SGCZ: variants seen among roughly 807,000 people sequenced by gnomAD.
SGCZ encodes the protein sarcoglycan zeta.
Under a neutral mutation model 41.3 loss-of-function variants are expected in SGCZ, and 40 were observed. The observed-to-expected ratio is 0.97, with a 90% CI of 0.75 to 1.26. The LOEUF is 1.26. SGCZ is among the 50% of genes most tolerant of loss of function. The pLI, the probability that SGCZ is intolerant of heterozygous loss-of-function variation, is 0.00. For missense variants in SGCZ, 552 were observed against 369.8 expected, an observed-to-expected ratio of 1.49 and a Z score of -4.04; for synonymous variants, 206 against 137.5, an observed-to-expected ratio of 1.50 and a Z score of -3.49.
intron 2 of SGCZ, among the ~76,000 whole-genome samples, chr8:14,403,777 T>C (rs944223621): frequency 6.6e-6 from 1 of 152,182 alleles, no homozygotes; most frequent in Non-Finnish European, 1.5e-5. Context: ...AGAAAAAATA[T>C]ACATGCAATA....
chr8:14,125,030 A>G (rs1802808315), intron 5 of SGCZ, among the ~76,000 whole-genome samples: 1 of 152,166 alleles, frequency 6.6e-6, no homozygotes. Context: ...TTATGAATGA[A>G]CTCCCATTCA....
intron 4 of SGCZ, among the ~76,000 whole-genome samples, chr8:14,168,799 G>A (rs1321367785): frequency 6.6e-6 from 1 of 152,082 alleles, no homozygotes; most frequent in African/African-American, 2.4e-5. Context: ...TGAGATCCCT[G>A]GAAAAGGAAT....
chr8:14,350,634 A>G (rs557561255), intron 2 of SGCZ, among the ~76,000 whole-genome samples: 1 of 152,022 alleles, frequency 6.6e-6, no homozygotes, highest in Non-Finnish European at 1.5e-5. Flanking sequence ...CTGAAGGTCA[A>G]TTACTGCTCC....
intron 1 of SGCZ, among the ~76,000 whole-genome samples, chr8:14,854,021 T>TTATATATATATATATATA (rs10604213): frequency 1.9e-5 from 2 of 107,676 alleles, no homozygotes; most frequent in East Asian, 3.0e-4. Context: ...TGTGATTATA[T>TTATATATATATATATATA]TATATATATA....
chr8:15,082,688 A>G (rs1187579357), intron 1 of SGCZ, among the ~76,000 whole-genome samples: 1 of 152,124 alleles, frequency 6.6e-6, no homozygotes, highest in East Asian at 1.9e-4. Context: ...TGCAATTTAC[A>G]TCTATTATCC....
intron 2 of SGCZ, among the ~76,000 whole-genome samples, chr8:14,356,186 A>T (rs900890397): frequency 3.3e-5 from 5 of 152,198 alleles, no homozygotes; most frequent in African/African-American, 1.2e-4. Flanking sequence ...TGTTTAAAGC[A>T]GGCTAAGCTA....
At chr8:15,018,782 G>A (rs1015133049) in intron 1 of SGCZ, among the ~76,000 whole-genome samples, 3 of 152,182 alleles carry the variant, frequency 2.0e-5, no homozygotes, top group Non-Finnish European at 2.9e-5. Context: ...TACCTGAAAT[G>A]CTTTAATCTA....
chr8:14,099,075 G>T (rs1396350154), intron 7 of SGCZ, among the ~76,000 whole-genome samples: 2 of 152,114 alleles, frequency 1.3e-5, no homozygotes, highest in Non-Finnish European at 2.9e-5. Flanking sequence ...AGTACTTAGA[G>T]AAAATGATAT....
In SGCZ at chr8:14,722,081, A is replaced by T. The variant is rs569160731; in HGVS notation, c.40-167155T>A. On this transcript the variant is annotated intron_variant, in intron 1 of 7. Coordinates refer to ENST00000382080, the MANE Select transcript of SGCZ (RefSeq NM_139167.4). ...CTGGTCAAACTATCTCAAAATCTCA[A>T]CTCTGTTTGTCTTGCTTTCTCCTTT... is the stretch of plus-strand genomic sequence containing the variant. Among the ~76,000 whole-genome samples, 6 of 151,510 alleles carry T rather than the reference A, an allele frequency of 4.0e-5. No homozygotes were observed. In the East Asian group the frequency reaches 1.2e-3, roughly 29 times the overall value.
intron 1 of SGCZ, among the ~76,000 whole-genome samples, chr8:14,638,539 C>A (rs1480422060): frequency 6.6e-6 from 1 of 151,806 alleles, no homozygotes; most frequent in Non-Finnish European, 1.5e-5. Context: ...ACATTATAAA[C>A]TCCTTAGCAT....
At position 14,164,638 on chromosome 8, in the gene SGCZ, C is replaced by T. The variant is rs1804151728; in HGVS notation, c.489G>A (p.Val163=). 4 of 1,613,664 alleles carry T rather than the reference C, an allele frequency of 2.5e-6. No individual in the cohort carries two copies. The highest frequency in any genetic ancestry group is 3.4e-6 in the Non-Finnish European group (4 of 1,179,730). ...TCTCATCTTCATCTGCAGAAAACAG[C>T]ACCCTGCCATCTTCACTGGCTCTCA... ...FEVRASEDGR[V]LFSADEDEIT... is the part of the protein sequence containing the mutation. The change falls in exon 5 of 8, where the codon GTG becomes GTA. Residue 163 remains valine, a synonymous_variant. Coordinates refer to ENST00000382080, the MANE Select transcript of SGCZ (RefSeq NM_139167.4).
intron 2 of SGCZ, among the ~76,000 whole-genome samples, chr8:14,417,277 A>G (rs1799519646): frequency 6.6e-6 from 1 of 151,884 alleles, no homozygotes; most frequent in Non-Finnish European, 1.5e-5. Context: ...CACACAGTCA[A>G]TTTCTTCCTT....
intron 1 of SGCZ, among the ~76,000 whole-genome samples, chr8:14,607,832 T>G (rs892112977): frequency 6.6e-6 from 1 of 152,194 alleles, no homozygotes; most frequent in African/African-American, 2.4e-5. Context: ...GTGCCCAGTG[T>G]AATCTCATTA....
At position 14,886,021 on chromosome 8, in the gene SGCZ, ATATATATAT is replaced by A. The variant is rs1318713906; in HGVS notation, c.40-331104_40-331096del. ...TATATATATATATATATATATATAT[ATATATATAT>A]ATATAAAATTGTATACTTAGCTTTT... On this transcript the variant is annotated intron_variant, in intron 1 of 7. Transcript: ENST00000382080. 1.2e-4 allele frequency among the ~76,000 whole-genome samples: 14 copies of A among 114,980 alleles called. 1 individual carries two copies. The highest frequency in any genetic ancestry group is 4.2e-4 in the African/African-American group (13 of 30,612). 75.4% of individuals were successfully genotyped at this position (114,980 alleles called of 152,430 possible). A position where few individuals can be genotyped will look rare whatever the true frequency, so the allele number is the denominator to read the frequency against.
At chr8:14,675,884 A>T (rs374712331) in intron 1 of SGCZ, among the ~76,000 whole-genome samples, 1 of 152,188 alleles carries the variant, frequency 6.6e-6, no homozygotes. Context: ...ATTCTTGCTG[A>T]GTTTGGAGAC....
At chr8:14,424,087 A>G (rs1490320039) in intron 2 of SGCZ, among the ~76,000 whole-genome samples, 1 of 152,210 alleles carries the variant, frequency 6.6e-6, no homozygotes, top group Non-Finnish European at 1.5e-5. Flanking sequence ...GAGGTCAATG[A>G]GTCTGCTGAT....
At chr8:14,719,872 G>C (rs1416062222) in intron 1 of SGCZ, among the ~76,000 whole-genome samples, 2 of 151,962 alleles carry the variant, frequency 1.3e-5, no homozygotes, top group East Asian at 3.9e-4. Context: ...GATCCCATTT[G>C]TCAATTTTGG....
At chr8:14,575,469 C>T (rs949069543) in intron 1 of SGCZ, among the ~76,000 whole-genome samples, 1 of 152,104 alleles carries the variant, frequency 6.6e-6, no homozygotes, top group Non-Finnish European at 1.5e-5. Flanking sequence ...TTTGTGTATA[C>T]ATGTTACAGA....
intron 2 of SGCZ, among the ~76,000 whole-genome samples, chr8:14,393,635 T>C (rs574459885): frequency 2.0e-5 from 3 of 150,746 alleles, no homozygotes; most frequent in South Asian, 2.1e-4. Flanking sequence ...TTTTTCTCCA[T>C]AGAGAAAGCT....
Sources: allele counts gnomAD v4.1 joint callset (sites outside exome capture counted in the v4.1 genomes callset), GRCh38; gene constraint gnomAD v4.1.1; transcripts MANE v1.5; gene names NCBI Gene and HGNC (gene_info 2026-07-23, HGNC 2026-07-21).